DGKI: variants seen among roughly 807,000 people sequenced by gnomAD.
DGKI encodes DAG kinase iota.
A neutral mutation model predicts 147.5 loss-of-function variants in DGKI; 55 were observed. The observed-to-expected ratio is 0.37, with a 90% CI of 0.30 to 0.47. DGKI has a LOEUF of 0.47. Among genes scored for constraint, DGKI ranks in the 20% least tolerant of loss-of-function variants. The pLI is 1.00. For synonymous variants in DGKI, 469 were observed against 477.1 expected (o/e 0.98, Z 0.22); for missense variants, 1,007 against 1,323.8 (o/e 0.76, Z 3.71).
At chr7:137,760,398 C>T (rs1205541591) in intron 1 of DGKI, among the ~76,000 whole-genome samples, 3 of 152,190 alleles carry the variant, frequency 2.0e-5, no homozygotes, top group Non-Finnish European at 2.9e-5. Context: ...CTCCAGCCCA[C>T]CTCCTGGTTC....
chr7:137,444,170 C>T, intron 27 of DGKI, 68 bp from the exon 28 acceptor site: 1 of 995,510 alleles, frequency 1.0e-6, no homozygotes, highest in Non-Finnish European at 1.5e-6. Context: ...AGAATAATTT[C>T]ATAGTAATTT....
At chr7:137,651,443 A>T (rs1585329565) in intron 5 of DGKI, among the ~76,000 whole-genome samples, 1 of 152,218 alleles carries the variant, frequency 6.6e-6, no homozygotes, top group East Asian at 1.9e-4. Flanking sequence ...AGCCAGATTA[A>T]CAGCCATCTC....
chr7:137,582,015 T>G (rs996168363), intron 14 of DGKI, 87 bp from the exon 15 acceptor site: 13 of 1,038,222 alleles, frequency 1.3e-5, no homozygotes, highest in Non-Finnish European at 1.9e-5. Flanking sequence ...CCCCTATCTC[T>G]GAAGAAGTCC....
intron 20 of DGKI, among the ~76,000 whole-genome samples, chr7:137,537,823 T>C (rs1312351682): frequency 2.6e-5 from 4 of 152,184 alleles, no homozygotes; most frequent in African/African-American, 7.2e-5. Flanking sequence ...GTAAGCCTTA[T>C]AGTTTACAAA....
chr7:137,463,568 T>C lies in DGKI; in HGVS notation c.2656A>G (p.Ser886Gly), dbSNP rs1814535489. Residue 886 changes from serine to glycine, a missense_variant, in exon 27 of 33, where the codon AGT becomes GGT. By Grantham distance (56) the Ser-to-Gly change is moderately conservative. This residue lies in a region of DGKI where 385 missense variants were observed against 445.2 expected (regional missense o/e 0.86). Coordinates refer to ENST00000614521, the MANE Select transcript of DGKI (RefSeq NM_001321708.2). Reference protein sequence around the residue: ...WNPALRKRMLSDSGLGMIAPY... With the variant: ...WNPALRKRMLGDSGLGMIAPY... ...GCTATCATCCCCAGCCCACTGTCAC[T>C]CAGCATGCGTTTCCGCAGGGCAGGA... The C allele has an allele frequency of 6.2e-7, 1 of 1,614,158 alleles. No homozygotes were observed. The highest frequency in any genetic ancestry group is 8.5e-7 in the Non-Finnish European group (1 of 1,180,014).
At chr7:137,547,176 T>A (rs1344621937) in intron 20 of DGKI, among the ~76,000 whole-genome samples, 1 of 152,218 alleles carries the variant, frequency 6.6e-6, no homozygotes, top group Non-Finnish European at 1.5e-5. Context: ...TGAACCTAGA[T>A]AAATCTGCTT....
intron 1 of DGKI, among the ~76,000 whole-genome samples, chr7:137,730,049 T>C (rs140170960): frequency 6.6e-6 from 1 of 152,142 alleles, no homozygotes; most frequent in African/African-American, 2.4e-5. Flanking sequence ...TTTTTCTCTA[T>C]GTCTCATTTT....
chr7:137,817,108 C>T lies in DGKI; in HGVS notation c.401+29354G>A, dbSNP rs368955435. Among the ~76,000 whole-genome samples the T allele has an allele frequency of 9.2e-5, 14 of 152,300 alleles. 1 individual carries two copies. In the East Asian group the frequency reaches 1.7e-3, roughly 19 times the overall value. The stretch of plus-strand genomic sequence containing the variant: ...GTTATATTTCTCGGTTACCAACTTG[C>T]TTTTTATTTCCTAATCAGCCAAGTC... On this transcript the variant is annotated intron_variant, in intron 1 of 32. Coordinates refer to ENST00000614521, the MANE Select transcript of DGKI (RefSeq NM_001321708.2).
chr7:137,402,496 C>G lies in DGKI; in HGVS notation c.2921-5083G>C, dbSNP rs891370006. On this transcript the variant is annotated intron_variant, in intron 30 of 32. Coordinates refer to ENST00000614521, the MANE Select transcript of DGKI (RefSeq NM_001321708.2). Reference sequence around the variant, plus strand: ...CAAATTACAATGTTGCTGCCCAGTACTCATTCCATAGGCTCTTCTGTTGGA... The same window carrying G: ...CAAATTACAATGTTGCTGCCCAGTAGTCATTCCATAGGCTCTTCTGTTGGA... Among the ~76,000 whole-genome samples, 3 of 152,348 alleles carry G rather than the reference C, an allele frequency of 2.0e-5. No individual in the cohort carries two copies. The East Asian group carries it at 5.8e-4, about 29-fold the overall frequency.
chr7:137,518,260 T>C (rs904890466), intron 21 of DGKI, among the ~76,000 whole-genome samples: 7 of 152,146 alleles, frequency 4.6e-5, no homozygotes, highest in Admixed American at 4.6e-4. Context: ...TAATTATATT[T>C]TCATTTTACA....
chr7:137,472,128 TAC>T (rs1352401451), intron 23 of DGKI, among the ~76,000 whole-genome samples: 4 of 124,104 alleles, frequency 3.2e-5, no homozygotes, highest in African/African-American at 6.3e-5. Context: ...TAAATATATA[TAC>T]ACATATATAT....
intron 19 of DGKI, among the ~76,000 whole-genome samples, chr7:137,562,529 C>T (rs1442904780): frequency 1.3e-5 from 2 of 151,570 alleles, no homozygotes; most frequent in African/African-American, 4.8e-5. Context: ...GAGCAAAACT[C>T]CATATCAAAA....
chr7:137,810,358 C>T (rs1376027694), intron 1 of DGKI, among the ~76,000 whole-genome samples: 1 of 151,292 alleles, frequency 6.6e-6, no homozygotes. Context: ...CAAGGAAATA[C>T]AGAAAAAAAA....
At chr7:137,555,388 C>T (rs1418040816) in intron 19 of DGKI, among the ~76,000 whole-genome samples, 2 of 151,698 alleles carry the variant, frequency 1.3e-5, no homozygotes, top group Non-Finnish European at 2.9e-5. Flanking sequence ...CAGCTGAGGA[C>T]GGTGGTGCAT....
intron 5 of DGKI, among the ~76,000 whole-genome samples, chr7:137,652,134 AAGAT>A (rs977486133): frequency 2.6e-5 from 4 of 152,170 alleles, no homozygotes; most frequent in African/African-American, 9.7e-5. Flanking sequence ...GGTTTTTTTA[AAGAT>A]AGAAATTATT....
chr7:137,761,636 G>A (rs1795859639), intron 1 of DGKI, among the ~76,000 whole-genome samples: 1 of 152,052 alleles, frequency 6.6e-6, no homozygotes, highest in Non-Finnish European at 1.5e-5. Flanking sequence ...CCATTTGAAA[G>A]CCTCATTAGC....
At chr7:137,396,555 G>A (rs1262967264) in intron 31 of DGKI, among the ~76,000 whole-genome samples, 1 of 152,222 alleles carries the variant, frequency 6.6e-6, no homozygotes, top group East Asian at 1.9e-4. Flanking sequence ...CCAATAGGAT[G>A]TGCTGGCATG....
At chr7:137,727,583 T>A (rs888287031) in intron 1 of DGKI, among the ~76,000 whole-genome samples, 3 of 152,172 alleles carry the variant, frequency 2.0e-5, no homozygotes, top group Admixed American at 2.0e-4. Flanking sequence ...CAAGAGCAGA[T>A]GAAAGAAGTA....
intron 21 of DGKI, among the ~76,000 whole-genome samples, chr7:137,512,202 T>C (rs1056641410): frequency 6.6e-6 from 1 of 152,154 alleles, no homozygotes; most frequent in Non-Finnish European, 1.5e-5. Flanking sequence ...AGAGAGAAAA[T>C]ATATAATTTC....
Sources: allele counts gnomAD v4.1 joint callset (sites outside exome capture counted in the v4.1 genomes callset), GRCh38; gene constraint gnomAD v4.1.1; regional missense constraint gnomAD v4.1.1; transcripts MANE v1.5; gene names NCBI Gene and HGNC (gene_info 2026-07-23, HGNC 2026-07-21).